RPF2: variants seen among roughly 807,000 people sequenced by gnomAD.
The protein encoded by RPF2 is brix domain containing 1.
A neutral mutation model predicts 38.9 loss-of-function variants in RPF2; 21 were observed. The ratio of observed to expected loss-of-function variants is 0.54; its 90% confidence interval spans 0.38 to 0.78. The LOEUF (loss-of-function observed/expected upper bound fraction) is 0.78. Among genes scored for constraint, RPF2 ranks in the 30% least tolerant of loss-of-function variants. RPF2 has a pLI of 0.00. For synonymous variants in RPF2, 121 were observed against 126.2 expected, an observed-to-expected ratio of 0.96 and a Z score of 0.28; for missense variants, 314 against 358.1, an observed-to-expected ratio of 0.88 and a Z score of 0.99.
At position 111,007,088 on chromosome 6, in the gene RPF2, A is replaced by G. The variant is rs117204919; in HGVS notation, c.394-950A>G. On this transcript the variant is annotated intron_variant, in intron 6 of 9. Coordinates refer to ENST00000441448, the MANE Select transcript of RPF2 (RefSeq NM_032194.3). ...GAGATGAGGTCTCACTGTGTTGCCC[A>G]GGCTGGTCTTGAACTCACTCCTGGC... Among the ~76,000 whole-genome samples the G allele has an allele frequency of 3.2e-3, 490 of 152,054 alleles. 2 individuals carry two copies. The highest frequency in any genetic ancestry group is 5.8e-3 in the Non-Finnish European group (394 of 67,984).
intron 3 of RPF2, among the ~76,000 whole-genome samples, chr6:110,989,314 C>A (rs1771577961): frequency 6.6e-6 from 1 of 152,062 alleles, no homozygotes; most frequent in Non-Finnish European, 1.5e-5. Context: ...AAAAATAATG[C>A]AGAATTCCCA....
chr6:110,993,760 G>A (rs1458162132), intron 4 of RPF2, among the ~76,000 whole-genome samples: 1 of 152,122 alleles, frequency 6.6e-6, no homozygotes, highest in African/African-American at 2.4e-5. Context: ...TTAGCTATCT[G>A]AATCCCAGAC....
intron 6 of RPF2, among the ~76,000 whole-genome samples, chr6:111,003,265 A>G (rs1017189354): frequency 6.6e-6 from 1 of 151,972 alleles, no homozygotes; most frequent in Non-Finnish European, 1.5e-5. Context: ...TTTTGTTGCC[A>G]ACCCTCATTC....
intron 2 of RPF2, among the ~76,000 whole-genome samples, chr6:110,987,979 C>T (rs1771552542): frequency 6.6e-6 from 1 of 151,954 alleles, no homozygotes; most frequent in Non-Finnish European, 1.5e-5. Flanking sequence ...AAGTGAGACC[C>T]CATCTCTATA....
chr6:111,012,070 C>CT (rs35304628), intron 7 of RPF2, among the ~76,000 whole-genome samples: 12,780 of 133,226 alleles, frequency 0.096, 994 homozygotes, highest in East Asian at 0.49. Context: ...TAGGAAGTTC[C>CT]TTTTTTTTTT....
chr6:111,013,972 A>G (rs149514539), intron 7 of RPF2, among the ~76,000 whole-genome samples: 2 of 152,204 alleles, frequency 1.3e-5, no homozygotes, highest in Non-Finnish European at 2.9e-5. Context: ...CCCCATCCGT[A>G]CATAATATAT....
intron 8 of RPF2, among the ~76,000 whole-genome samples, chr6:111,020,933 A>C (rs1355020069): frequency 6.6e-6 from 1 of 152,012 alleles, no homozygotes; most frequent in Non-Finnish European, 1.5e-5. Context: ...CCTTTGGGAG[A>C]CTGAGGTGGG....
intron 3 of RPF2, among the ~76,000 whole-genome samples, chr6:110,990,513 G>A (rs1771600016): frequency 6.6e-6 from 1 of 150,602 alleles, no homozygotes; most frequent in Non-Finnish European, 1.5e-5. Flanking sequence ...TTATAATCCA[G>A]TGTTCTTAAT....
intron 8 of RPF2, among the ~76,000 whole-genome samples, chr6:111,017,508 C>T (rs534888009): frequency 2.9e-4 from 43 of 147,844 alleles, no homozygotes; most frequent in South Asian, 2.8e-3. Flanking sequence ...GGGCGGCTGC[C>T]GGGCGGAGGG....
rs1771503341 is a variant in RPF2 at position 110,985,141 on chromosome 6, A to G, written c.156+3A>G. ...TGACAAAAGTACTTAAAGATGTGGT[A>G]AGTATATATACTTAATCTTTAAAAG... On this transcript the variant is annotated splice_donor_region_variant and intron_variant, in intron 2 of 9. Transcript: ENST00000441448. 1 of 1,612,458 alleles carries G rather than the reference A, an allele frequency of 6.2e-7. No individual in the cohort carries two copies. Among genetic ancestry groups the G allele is most frequent in the South Asian group, 1.1e-5 (1 of 90,902 alleles).
At chr6:111,008,441 G>A (rs1771955280) in intron 7 of RPF2, among the ~76,000 whole-genome samples, 1 of 151,538 alleles carries the variant, frequency 6.6e-6, no homozygotes, top group Non-Finnish European at 1.5e-5. Flanking sequence ...CAGCAGGAAA[G>A]CACCTAAGTA....
intron 8 of RPF2, among the ~76,000 whole-genome samples, chr6:111,017,314 C>T (rs1477784588): frequency 2.2e-5 from 3 of 135,436 alleles, no homozygotes; most frequent in Admixed American, 1.5e-4. Flanking sequence ...GGAGGCGCCC[C>T]CACCTCCCTC....
chr6:111,018,267 G>T (rs531008249), intron 8 of RPF2, among the ~76,000 whole-genome samples: 7 of 152,196 alleles, frequency 4.6e-5, no homozygotes, highest in Admixed American at 1.3e-4. Flanking sequence ...TGAGATAAGT[G>T]TGTGACTTCT....
intron 1 of RPF2, chr6:110,982,540 A>C (rs1243199864): frequency 5.0e-5 from 10 of 201,452 alleles, no homozygotes; most frequent in South Asian, 1.7e-4. Flanking sequence ...TTATTCTGTA[A>C]AATAGCGCTC....
intron 6 of RPF2, among the ~76,000 whole-genome samples, chr6:111,000,835 C>G (rs145133589): frequency 6.6e-6 from 1 of 152,080 alleles, no homozygotes; most frequent in South Asian, 2.1e-4. Flanking sequence ...TCAGTATAAC[C>G]AAGATTAGGA....
At chr6:110,984,171 G>A (rs1771483219) in intron 1 of RPF2, among the ~76,000 whole-genome samples, 2 of 152,162 alleles carry the variant, frequency 1.3e-5, no homozygotes, top group Admixed American at 6.5e-5. Context: ...CAGCAATGAT[G>A]TTGGAGTGCA....
intron 6 of RPF2, among the ~76,000 whole-genome samples, chr6:111,006,766 C>T (rs948057970): frequency 6.6e-6 from 1 of 152,056 alleles, no homozygotes; most frequent in African/African-American, 2.4e-5. Flanking sequence ...ACCAGCATGC[C>T]CAGCTAATTT....
intron 2 of RPF2, among the ~76,000 whole-genome samples, chr6:110,986,824 C>T (rs986274207): frequency 1.3e-5 from 2 of 151,550 alleles, no homozygotes; most frequent in Admixed American, 1.3e-4. Context: ...TGGTGGTGGG[C>T]GCCTGTAATC....
In RPF2 at chr6:111,024,243, C is replaced by A. The variant is rs1055077310; in HGVS notation, c.657C>A (p.Pro219=). 17 of 1,611,564 alleles carry A rather than the reference C, an allele frequency of 1.1e-5. No individual in the cohort carries two copies. Among genetic ancestry groups the A allele is most frequent in the Non-Finnish European group, 1.4e-5 (17 of 1,179,768 alleles). ...GGATTGAATTGGAAGAGATGGGACCCTCATTGGATCTGGTTCTGAGGAGGA... is the reference window on the plus strand; with the variant it reads ...GGATTGAATTGGAAGAGATGGGACCATCATTGGATCTGGTTCTGAGGAGGA... The part of the protein sequence containing the change: ...TPRIELEEMG[P]SLDLVLRRTH... Residue 219 remains proline, a synonymous_variant, in exon 9 of 10, where the codon CCC becomes CCA. Coordinates refer to ENST00000441448, the MANE Select transcript of RPF2 (RefSeq NM_032194.3).
Sources: gnomAD v4.1 joint callset for allele counts (sites outside exome capture counted in the v4.1 genomes callset) on GRCh38, gnomAD v4.1.1 for gene constraint, MANE v1.5 for transcripts, NCBI Gene and HGNC (gene_info 2026-07-23, HGNC 2026-07-21) for gene names.